The following STK32B variants were observed in gnomAD, a reference collection of about 807,000 sequenced individuals.
STK32B encodes the protein serine/threonine kinase 32B.
In STK32B, 43 loss-of-function variants were observed where a neutral mutation model predicts 52.6. The observed-to-expected ratio is 0.82, with a 90% CI of 0.64 to 1.05. STK32B has a LOEUF of 1.05. Ranked by LOEUF, STK32B falls within the 50% of genes least tolerant of loss-of-function variation. The pLI is 0.00. For synonymous variants in STK32B, 238 were observed against 204.3 expected (o/e 1.17, Z -1.41); for missense variants, 621 against 534.6 (o/e 1.16, Z -1.59).
At chr4:5,385,614 C>G (rs1233040030) in intron 4 of STK32B, among the ~76,000 whole-genome samples, 1 of 152,080 alleles carries the variant, frequency 6.6e-6, no homozygotes, top group African/African-American at 2.4e-5. Context: ...CACACTCCTC[C>G]CAGGGCTGCT....
intron 1 of STK32B, among the ~76,000 whole-genome samples, chr4:5,135,075 A>G (rs1036691809): frequency 4.6e-5 from 7 of 152,234 alleles, no homozygotes; most frequent in Non-Finnish European, 8.8e-5. Flanking sequence ...ACTAATTAGC[A>G]CTAATACACT....
At chr4:5,181,143 A>G (rs1436791748) in intron 3 of STK32B, among the ~76,000 whole-genome samples, 1 of 152,116 alleles carries the variant, frequency 6.6e-6, no homozygotes, top group Non-Finnish European at 1.5e-5. Flanking sequence ...GCTGGCTATG[A>G]TGCTGCTATG....
Position 5,398,307 on chromosome 4 carries a change from G to C in STK32B, c.472+63G>C, listed in dbSNP as rs1478978653. The C allele has an allele frequency of 6.3e-7, 1 of 1,584,556 alleles. No homozygotes were observed. Among genetic ancestry groups the C allele is most frequent in the East Asian group, 2.2e-5 (1 of 44,630 alleles). On this transcript the variant is annotated intron_variant, in intron 5 of 11. Transcript: ENST00000282908. This position sits in a 1 kb window ranked among gnomAD's most constrained non-coding sequence, Gnocchi z 4.9. ...GGAAAGTTTGAGGCACTGGGAAATAGTGCGGGGGTGGGGGTTGGGTCTTGC... is the reference window on the plus strand; with the variant it reads ...GGAAAGTTTGAGGCACTGGGAAATACTGCGGGGGTGGGGGTTGGGTCTTGC...
chr4:5,067,276 G>A (rs530564578), intron 1 of STK32B, among the ~76,000 whole-genome samples: 6 of 152,140 alleles, frequency 3.9e-5, no homozygotes, highest in African/African-American at 4.8e-5. Flanking sequence ...TCTCCCACTC[G>A]GTCCCTCCCC....
At chr4:5,421,397 G>A (rs1712636694) in intron 6 of STK32B, among the ~76,000 whole-genome samples, 1 of 151,704 alleles carries the variant, frequency 6.6e-6, no homozygotes, top group African/African-American at 2.4e-5. Context: ...GCTAATTTTT[G>A]CATTTTTAGT....
At chr4:5,181,329 G>C (rs1262553338) in intron 3 of STK32B, among the ~76,000 whole-genome samples, 4 of 138,122 alleles carry the variant, frequency 2.9e-5, no homozygotes, top group Admixed American at 7.2e-5. Context: ...TGGAGAGTGA[G>C]ACACACACAC....
At chr4:5,498,622 A>T (rs1451584364) in intron 11 of STK32B, among the ~76,000 whole-genome samples, 1 of 152,246 alleles carries the variant, frequency 6.6e-6, no homozygotes, top group African/African-American at 2.4e-5. Context: ...ATATAAATAT[A>T]TGGTATATAC....
At chr4:5,288,310 C>T (rs1410404569) in intron 3 of STK32B, among the ~76,000 whole-genome samples, 3 of 152,130 alleles carry the variant, frequency 2.0e-5, no homozygotes, top group Admixed American at 1.3e-4. Context: ...GAAGAATTGC[C>T]AGACTTTTCT....
At chr4:5,170,519 C>G (rs74957939) in intron 3 of STK32B, among the ~76,000 whole-genome samples, 28,407 of 150,926 alleles carry the variant, frequency 0.19, 3,356 homozygotes, top group East Asian at 0.31. Flanking sequence ...TCCATGTGTT[C>G]TCATTGTTCA....
At chr4:5,210,725 G>C (rs562923967) in intron 3 of STK32B, among the ~76,000 whole-genome samples, 3 of 151,888 alleles carry the variant, frequency 2.0e-5, no homozygotes, top group Admixed American at 2.0e-4. Flanking sequence ...CTATTCCTTG[G>C]AACACTTACA....
At chr4:5,096,579 C>T (rs4689987) in intron 1 of STK32B, among the ~76,000 whole-genome samples, 143,578 of 152,246 alleles carry the variant, frequency 0.94, 68,264 homozygotes, top group East Asian at 1. Context: ...TCTAGATCTT[C>T]ACTTTGAATT....
chr4:5,302,026 GT>G (rs1268565034), intron 3 of STK32B, among the ~76,000 whole-genome samples: 1 of 151,058 alleles, frequency 6.6e-6, no homozygotes, highest in African/African-American at 2.4e-5. Flanking sequence ...TATCCTTTGT[GT>G]AATAAAAACA....
chr4:5,215,958 A>G (rs1321354930), intron 3 of STK32B, among the ~76,000 whole-genome samples: 1 of 152,198 alleles, frequency 6.6e-6, no homozygotes, highest in African/African-American at 2.4e-5. Context: ...TAATTGTGAG[A>G]AAATCCTGCC....
At position 5,469,934 on chromosome 4, in the gene STK32B, C is replaced by T. The variant is rs1717724106; in HGVS notation, c.1106+1864C>T. Among the ~76,000 whole-genome samples, 1 of 152,182 alleles carries T rather than the reference C, an allele frequency of 6.6e-6. No homozygotes were observed. The highest frequency in any genetic ancestry group is 2.4e-5 in the African/African-American group (1 of 41,446). ...GACCCAGGAACTTCTGCTCAAAGAG[C>T]ATCAGTGATCTTGGGCTCAGGCAGC... On this transcript the variant is annotated intron_variant, in intron 11 of 11. Transcript: ENST00000282908. The surrounding 1 kb of genome is among the most constrained non-coding windows in gnomAD (Gnocchi z 4.7).
At chr4:5,176,568 C>G (rs534511700) in intron 3 of STK32B, among the ~76,000 whole-genome samples, 1 of 151,922 alleles carries the variant, frequency 6.6e-6, no homozygotes, top group East Asian at 1.9e-4. Flanking sequence ...CTCAAACTCC[C>G]AAGTAGCTGG....
intron 3 of STK32B, among the ~76,000 whole-genome samples, chr4:5,177,004 A>G (rs992269408): frequency 6.6e-6 from 1 of 152,186 alleles, no homozygotes; most frequent in Admixed American, 6.5e-5. Flanking sequence ...GTTTACCGCT[A>G]GGAGTGTTTT....
chr4:5,263,647 G>A (rs182280829), intron 3 of STK32B, among the ~76,000 whole-genome samples: 10 of 152,150 alleles, frequency 6.6e-5, no homozygotes, highest in African/African-American at 2.2e-4. Context: ...TCCCTAAACA[G>A]TATTTTACAT....
chr4:5,473,578 C>A (rs1349547077), intron 11 of STK32B, among the ~76,000 whole-genome samples: 1 of 152,148 alleles, frequency 6.6e-6, no homozygotes. Flanking sequence ...GCTCCAGAGC[C>A]CCAGGCTGAA....
chr4:5,240,141 A>C (rs146898493), intron 3 of STK32B, among the ~76,000 whole-genome samples: 313 of 150,610 alleles, frequency 2.1e-3, no homozygotes, highest in African/African-American at 7.3e-3. Flanking sequence ...ATGTGCCTAA[A>C]TATGATTTCT....
Sources: allele counts gnomAD v4.1 joint callset (sites outside exome capture counted in the v4.1 genomes callset), GRCh38; gene constraint gnomAD v4.1.1; non-coding constraint Gnocchi (gnomAD v3.1); transcripts MANE v1.5; gene names NCBI Gene and HGNC (gene_info 2026-07-23, HGNC 2026-07-21).